The following DGKG variants were observed in gnomAD, a reference collection of about 807,000 sequenced individuals.
The protein encoded by DGKG is diacylglycerol kinase gamma, also known as DAG kinase gamma.
DGKG carries 78 observed loss-of-function variants against 105.3 expected under a neutral mutation model. The ratio of observed to expected loss-of-function variants is 0.74; its 90% CI spans 0.62 to 0.89. The LOEUF (loss-of-function observed/expected upper bound fraction) is 0.89, where lower values mean the gene tolerates loss of function less well. Ranked by LOEUF, DGKG falls within the 40% of genes least tolerant of loss-of-function variation. The pLI is 0.00. For synonymous variants in DGKG, 346 were observed against 367.1 expected (o/e 0.94, Z 0.66); for missense variants, 958 against 1,020.1 (o/e 0.94, Z 0.83).
intron 20 of DGKG, among the ~76,000 whole-genome samples, chr3:186,239,987 G>A (rs1328464385): frequency 2.8e-5 from 4 of 145,368 alleles, no homozygotes; most frequent in Admixed American, 7.1e-5. Context: ...TATGTCATAT[G>A]TTGGCCTGCC....
Position 186,268,882 on chromosome 3 carries a change from G to T in DGKG, c.1035C>A (p.Ser345=), listed in dbSNP as rs749215718. ...TTTTGTGGCACCGGTCACACTTGAC[G>T]GAGGAGTTCCCTTCCACCCATGCGT... The part of the protein sequence containing the change: ...MQHAWVEGNS[S]VKCDRCHKSI... The change falls in exon 12 of 25, where the codon TCC becomes TCA. Residue 345 remains serine, a synonymous_variant. Transcript: ENST00000265022. 9 of 1,613,978 alleles carry T rather than the reference G, an allele frequency of 5.6e-6. No individual in the cohort carries two copies. Among genetic ancestry groups the T allele is most frequent in the East Asian group, 2.2e-5 (1 of 44,874 alleles).
At chr3:186,265,199 C>T in intron 14 of DGKG, 48 bp downstream of exon 14, 8 of 1,595,888 alleles carry the variant, frequency 5.0e-6, no homozygotes, top group Non-Finnish European at 6.9e-6. Flanking sequence ...CCGCCACAGC[C>T]CTGGAACAAC....
intron 21 of DGKG, among the ~76,000 whole-genome samples, chr3:186,192,916 A>G (rs186069359): frequency 5.9e-5 from 9 of 152,260 alleles, no homozygotes; most frequent in Non-Finnish European, 1.3e-4. Context: ...GTATTCCACA[A>G]AGTCACCTTT....
At chr3:186,265,973 G>A (rs1411191577) in intron 13 of DGKG, among the ~76,000 whole-genome samples, 2 of 152,014 alleles carry the variant, frequency 1.3e-5, no homozygotes, top group African/African-American at 2.4e-5. Context: ...CCTGGCCGTC[G>A]ACTTGGCTTT....
chr3:186,320,329 T>G, intron 2 of DGKG, 64 bp downstream of exon 2: 1 of 1,604,682 alleles, frequency 6.2e-7, no homozygotes, highest in South Asian at 1.1e-5. Flanking sequence ...TGCTATGCTT[T>G]CCAGAAATGA....
At chr3:186,255,540 G>A (rs945896674) in intron 17 of DGKG, among the ~76,000 whole-genome samples, 128 of 152,344 alleles carry the variant, frequency 8.4e-4, no homozygotes, top group African/African-American at 3.0e-3. Flanking sequence ...CTTGTGTGAA[G>A]GCCCTGAGGT....
chr3:186,176,375 C>T lies in DGKG; in HGVS notation c.2096-11357G>A, dbSNP rs540729699. Among the ~76,000 whole-genome samples the T allele has an allele frequency of 2.6e-5, 4 of 151,772 alleles. No individual in the cohort carries two copies. The East Asian group carries it at 7.7e-4, about 29-fold the overall frequency. On this transcript the variant is annotated intron_variant, in intron 22 of 24. Coordinates refer to ENST00000265022, the MANE Select transcript of DGKG (RefSeq NM_001346.3). The stretch of plus-strand genomic sequence containing the variant: ...TGCACTGGCCAAACTTATCACAGCT[C>T]AACAGGCTGCCTACAGCACCTACTA...
chr3:186,200,037 T>C (rs1159849288), intron 21 of DGKG, among the ~76,000 whole-genome samples: 1 of 152,142 alleles, frequency 6.6e-6, no homozygotes, highest in Non-Finnish European at 1.5e-5. Flanking sequence ...TTTAGAGTAT[T>C]ATAGAACAGG....
chr3:186,198,269 A>T (rs1200694667), intron 21 of DGKG, among the ~76,000 whole-genome samples: 1 of 152,224 alleles, frequency 6.6e-6, no homozygotes, highest in Non-Finnish European at 1.5e-5. Flanking sequence ...ATAGGGAGAG[A>T]CATGGAAGGT....
intron 20 of DGKG, among the ~76,000 whole-genome samples, chr3:186,240,567 T>C (rs1720635154): frequency 6.6e-6 from 1 of 152,200 alleles, no homozygotes; most frequent in Non-Finnish European, 1.5e-5. Context: ...CCCAGCACTT[T>C]GGGAGCCTGA....
At chr3:186,197,255 C>T (rs112848065) in intron 21 of DGKG, among the ~76,000 whole-genome samples, 1 of 151,976 alleles carries the variant, frequency 6.6e-6, no homozygotes, top group Admixed American at 6.6e-5. Flanking sequence ...GAGGAAGAGG[C>T]GGACAATATC....
chr3:186,342,313 A>G (rs748386270), intron 1 of DGKG, among the ~76,000 whole-genome samples: 3 of 152,228 alleles, frequency 2.0e-5, no homozygotes, highest in Non-Finnish European at 4.4e-5. Flanking sequence ...ATGTGAGTTC[A>G]TTATGAGCAT....
Position 186,228,685 on chromosome 3 carries a change from C to T in DGKG, c.1826+13819G>A, listed in dbSNP as rs574144631. Among the ~76,000 whole-genome samples the T allele has an allele frequency of 1.2e-4, 18 of 152,326 alleles. No individual in the cohort carries two copies. In the South Asian group the frequency reaches 2.3e-3, roughly 19 times the overall value. ...TGCTTCCCTCCTCCTAGCATTTCCC[C>T]GGTTGCTTCTCTCCTTGGCGAATTT... On this transcript the variant is annotated intron_variant, in intron 20 of 24. Transcript: ENST00000265022.
intron 2 of DGKG, among the ~76,000 whole-genome samples, chr3:186,310,656 A>G (rs1175571587): frequency 2.0e-5 from 3 of 152,228 alleles, no homozygotes; most frequent in African/African-American, 7.2e-5. Flanking sequence ...TTTAGGTGTC[A>G]TCTGTGGGTC....
chr3:186,306,492 C>T (rs79552637), intron 3 of DGKG, among the ~76,000 whole-genome samples: 1,631 of 152,024 alleles, frequency 0.011, 33 homozygotes, highest in African/African-American at 0.038. Flanking sequence ...TGAGTGCACA[C>T]GTGGGGGAGT....
At chr3:186,161,476 G>C (rs1716287859) in intron 24 of DGKG, 127 bp downstream of exon 24, 1 of 1,497,600 alleles carries the variant, frequency 6.7e-7, no homozygotes, top group Admixed American at 2.4e-5. Context: ...GTGGAAGAGG[G>C]GTTGCACTAG....
chr3:186,262,176 T>C (rs1721809514), intron 14 of DGKG, among the ~76,000 whole-genome samples: 1 of 152,178 alleles, frequency 6.6e-6, no homozygotes. Context: ...ACCACCCGCT[T>C]CCACCCTGGC....
intron 17 of DGKG, among the ~76,000 whole-genome samples, chr3:186,256,131 G>A (rs977155327): frequency 1.3e-5 from 2 of 152,066 alleles, no homozygotes; most frequent in Admixed American, 6.5e-5. Flanking sequence ...CTTGGCTCCC[G>A]GAGGACTCCT....
In DGKG at chr3:186,157,220, A is replaced by G. The variant is rs147873233; in HGVS notation, c.2277+4383T>C. The stretch of plus-strand genomic sequence containing the variant: ...GAGTTTTTATCTTTAAAAATCAGAA[A>G]TGTTGAATGTAATTGAATACTTTTG... On this transcript the variant is annotated intron_variant, in intron 24 of 24. Coordinates refer to ENST00000265022, the MANE Select transcript of DGKG (RefSeq NM_001346.3). 4.7e-3 allele frequency among the ~76,000 whole-genome samples: 709 copies of G among 152,166 alleles called. 4 individuals carry two copies. The highest frequency in any genetic ancestry group is 0.016 in the African/African-American group (678 of 41,560).
Sources: allele counts gnomAD v4.1 joint callset (sites outside exome capture counted in the v4.1 genomes callset), GRCh38; gene constraint gnomAD v4.1.1; transcripts MANE v1.5; gene names NCBI Gene and HGNC (gene_info 2026-07-23, HGNC 2026-07-21).